The following METTL25 variants were observed in gnomAD, a reference collection of about 807,000 sequenced individuals.
The protein encoded by METTL25 is methyltransferase like 25, also known as probable methyltransferase-like protein 25.
Under a neutral mutation model 71.6 loss-of-function variants are expected in METTL25, and 64 were observed. The observed-to-expected ratio is 0.89, with a 90% CI of 0.73 to 1.10. The LOEUF (loss-of-function observed/expected upper bound fraction) is 1.10, where lower values mean the gene tolerates loss of function less well. Among genes scored for constraint, METTL25 ranks in the 50% least tolerant of loss-of-function variants. The pLI is 0.00. For missense variants in METTL25, 807 were observed against 707.0 expected (o/e 1.14, Z -1.60); for synonymous variants, 287 against 250.3 (o/e 1.15, Z -1.38).
rs887197540 is a variant in METTL25, at chr12:82,478,983, C to T, written c.1771C>T (p.Pro591Ser). The T allele has an allele frequency of 5.0e-6, 8 of 1,612,646 alleles. No homozygotes were observed. The highest frequency in any genetic ancestry group is 2.2e-5 in the South Asian group (2 of 91,018). ...LVKLFDPVKS[P>S]RCYAVIALKK... Reference sequence around the variant, plus strand: ...GAAGTTGTTTGATCCCGTGAAATCTCCCAGATGTTATGCTGTTATTGCCCT... The same window carrying T: ...GAAGTTGTTTGATCCCGTGAAATCTTCCAGATGTTATGCTGTTATTGCCCT... Residue 591 changes from proline to serine, a missense_variant, in exon 12 of 12, where the codon CCC becomes TCC. Transcript: ENST00000248306.
At chr12:82,477,235 T>G (rs1321956101) in intron 10 of METTL25, 46 bp from the exon 11 acceptor site, 2 of 854,012 alleles carry the variant, frequency 2.3e-6, no homozygotes, top group East Asian at 2.6e-5. Flanking sequence ...GCTAGTCTTT[T>G]TTTTTTAAGT....
chr12:82,372,648 GA>G (rs1204682325), intron 1 of METTL25, among the ~76,000 whole-genome samples: 2 of 152,144 alleles, frequency 1.3e-5, no homozygotes, highest in African/African-American at 4.8e-5. Flanking sequence ...CCATAGTGCA[GA>G]AAAAACTGAG....
chr12:82,375,147 A>G (rs1040084813), intron 1 of METTL25, among the ~76,000 whole-genome samples: 2 of 152,214 alleles, frequency 1.3e-5, no homozygotes, highest in Non-Finnish European at 2.9e-5. Context: ...TGCATTTTAG[A>G]TATATGTTGC....
At position 82,424,138 on chromosome 12, in the gene METTL25, A is replaced by C. The variant is rs1332339560; in HGVS notation, c.1280-6755A>C. 5.3e-5 allele frequency among the ~76,000 whole-genome samples: 8 copies of C among 152,332 alleles called. No individual in the cohort carries two copies. In the East Asian group the frequency reaches 1.5e-3, roughly 29 times the overall value. On this transcript the variant is annotated intron_variant, in intron 5 of 11. Coordinates refer to ENST00000248306, the MANE Select transcript of METTL25 (RefSeq NM_032230.3). ...ATAGCAAAGACTTGGAACCAACCCA[A>C]ATGTCCAACAATGATAGACTGGATT...
At chr12:82,360,541 A>C (rs1881716377) in intron 1 of METTL25, among the ~76,000 whole-genome samples, 1 of 151,890 alleles carries the variant, frequency 6.6e-6, no homozygotes, top group African/African-American at 2.4e-5. Context: ...ATTTTTAAGT[A>C]AGTTGTCCTG....
chr12:82,437,465 T>C (rs1201553730), intron 7 of METTL25, among the ~76,000 whole-genome samples: 1 of 151,578 alleles, frequency 6.6e-6, no homozygotes, highest in Non-Finnish European at 1.5e-5. Context: ...GGGGAAGATG[T>C]AAGGAAAATG....
At position 82,479,128 on chromosome 12, in the gene METTL25, T is replaced by C; in HGVS notation, c.*104T>C. On this transcript the variant is annotated 3_prime_UTR_variant, in exon 12 of 12. Transcript: ENST00000248306. ...TGTTATACAAAAATTTTTAAATGACTGTTATGTATTTTAAATAATAAAATA... is the reference window on the plus strand; with the variant it reads ...TGTTATACAAAAATTTTTAAATGACCGTTATGTATTTTAAATAATAAAATA... 1 of 751,796 alleles carries C rather than the reference T, an allele frequency of 1.3e-6. No homozygotes were observed. Among genetic ancestry groups the C allele is most frequent in the Admixed American group, 2.3e-5 (1 of 42,824 alleles). 46.6% of individuals were successfully genotyped at this position (751,796 alleles called of 1,614,324 possible).
At chr12:82,437,293 C>T (rs1019429648) in intron 7 of METTL25, among the ~76,000 whole-genome samples, 2 of 151,632 alleles carry the variant, frequency 1.3e-5, no homozygotes, top group Non-Finnish European at 3.0e-5. Context: ...GTATATGAGT[C>T]TACCTTCAGT....
chr12:82,477,727 T>C (rs141264031), intron 11 of METTL25, among the ~76,000 whole-genome samples: 140 of 151,894 alleles, frequency 9.2e-4, no homozygotes, highest in African/African-American at 3.2e-3. Context: ...TTTTGGAGTG[T>C]TGGCCATATG....
At chr12:82,368,854 A>G (rs1373533576) in intron 1 of METTL25, among the ~76,000 whole-genome samples, 2 of 152,178 alleles carry the variant, frequency 1.3e-5, no homozygotes, top group Non-Finnish European at 2.9e-5. Context: ...AAATGATTCA[A>G]CTTCCTACAT....
chr12:82,477,656 G>A (rs115038305), intron 11 of METTL25, among the ~76,000 whole-genome samples: 1 of 151,644 alleles, frequency 6.6e-6, no homozygotes, highest in East Asian at 1.9e-4. Context: ...ATTTATAAAG[G>A]CTAGACATAA....
intron 9 of METTL25, among the ~76,000 whole-genome samples, chr12:82,473,148 G>A (rs1320720173): frequency 6.6e-6 from 1 of 151,998 alleles, no homozygotes; most frequent in Non-Finnish European, 1.5e-5. Context: ...ATAGTGGTGG[G>A]GCAGCTTTGC....
chr12:82,442,388 C>G (rs1227401238), intron 8 of METTL25, among the ~76,000 whole-genome samples: 1 of 152,086 alleles, frequency 6.6e-6, no homozygotes, highest in Non-Finnish European at 1.5e-5. Flanking sequence ...CCATGAAATA[C>G]TAAGCAATAA....
At position 82,479,093 on chromosome 12, in the gene METTL25, A is replaced by T; in HGVS notation, c.*69A>T. On this transcript the variant is annotated 3_prime_UTR_variant, in exon 12 of 12. Coordinates refer to ENST00000248306, the MANE Select transcript of METTL25 (RefSeq NM_032230.3). The stretch of plus-strand genomic sequence containing the variant: ...TGTTGCTGAGATTGCTTTTCTAAAC[A>T]TATATGTCCTGTTATACAAAAATTT... The T allele has an allele frequency of 7.6e-7, 1 of 1,308,462 alleles. No homozygotes were observed. Among genetic ancestry groups the T allele is most frequent in the Non-Finnish European group, 1.1e-6 (1 of 914,172 alleles). 81.1% of individuals were successfully genotyped at this position (1,308,462 alleles called of 1,614,324 possible). A position where few individuals can be genotyped will look rare whatever the true frequency, so the allele number is the denominator to read the frequency against.
intron 5 of METTL25, among the ~76,000 whole-genome samples, chr12:82,422,944 T>A (rs949230305): frequency 3.0e-4 from 45 of 152,096 alleles, no homozygotes; most frequent in Non-Finnish European, 6.0e-4. Flanking sequence ...ATAGGAAGAA[T>A]CAATATTGTG....
chr12:82,375,567 C>G (rs1883759579), intron 1 of METTL25, among the ~76,000 whole-genome samples: 1 of 152,186 alleles, frequency 6.6e-6, no homozygotes, highest in Non-Finnish European at 1.5e-5. Flanking sequence ...AAGTCCCATT[C>G]ACTGCCTCCC....
At chr12:82,421,168 A>C (rs1035925767) in intron 5 of METTL25, among the ~76,000 whole-genome samples, 4 of 152,134 alleles carry the variant, frequency 2.6e-5, no homozygotes, top group Non-Finnish European at 5.9e-5. Flanking sequence ...GGCCCTGACG[A>C]GGTTTACATT....
At chr12:82,445,441 G>C (rs1471389699) in intron 8 of METTL25, among the ~76,000 whole-genome samples, 1 of 151,822 alleles carries the variant, frequency 6.6e-6, no homozygotes, top group African/African-American at 2.4e-5. Context: ...TAATTTTATA[G>C]CCACCTCTTA....
At chr12:82,467,761 G>T (rs1353177) in intron 9 of METTL25, among the ~76,000 whole-genome samples, 3,165 of 152,062 alleles carry the variant, frequency 0.021, 46 homozygotes, top group Admixed American at 0.042. Context: ...ATATGCCTTG[G>T]ATAGAACCTG....
Sources: allele counts gnomAD v4.1 joint callset (sites outside exome capture counted in the v4.1 genomes callset), GRCh38; gene constraint gnomAD v4.1.1; transcripts MANE v1.5; gene names NCBI Gene and HGNC (gene_info 2026-07-23, HGNC 2026-07-21).